CDH10: variants seen among roughly 807,000 people sequenced by gnomAD.
CDH10 encodes the protein cadherin 10.
Under a neutral mutation model 73.1 loss-of-function variants are expected in CDH10, and 30 were observed. The ratio of observed to expected loss-of-function variants is 0.41; its 90% CI spans 0.31 to 0.56. CDH10 has a LOEUF of 0.56. Ranked by LOEUF, CDH10 falls within the 20% of genes least tolerant of loss-of-function variation. The pLI, the probability that CDH10 is intolerant of heterozygous loss-of-function variation, is 0.27. For synonymous variants in CDH10, 345 were observed against 348.2 expected (o/e 0.99, Z 0.10); for missense variants, 815 against 973.7 (o/e 0.84, Z 2.17).
intron 1 of CDH10, among the ~76,000 whole-genome samples, chr5:24,620,305 A>C (rs1462272216): frequency 6.6e-6 from 1 of 152,204 alleles, no homozygotes; most frequent in Non-Finnish European, 1.5e-5. Flanking sequence ...TATACATTAA[A>C]AGAAGATTGC....
intron 1 of CDH10, chr5:24,612,972 G>A (rs1746998337): frequency 1.3e-5 from 2 of 152,068 alleles, no homozygotes; most frequent in African/African-American, 4.8e-5. Flanking sequence ...TGAGGACACA[G>A]CCCTCTGAGA....
intron 1 of CDH10, among the ~76,000 whole-genome samples, chr5:24,632,543 T>G (rs2112199844): frequency 6.6e-6 from 1 of 152,196 alleles, no homozygotes; most frequent in Non-Finnish European, 1.5e-5. Context: ...CAAAGTAATC[T>G]TTGTTTTCAG....
intron 1 of CDH10, among the ~76,000 whole-genome samples, chr5:24,594,369 G>A (rs932704969): frequency 1.3e-5 from 2 of 151,762 alleles, no homozygotes; most frequent in African/African-American, 2.4e-5. Flanking sequence ...TACACCCTCC[G>A]TGCCACTATT....
chr5:24,631,292 T>C (rs1188743834), intron 1 of CDH10, among the ~76,000 whole-genome samples: 2 of 152,124 alleles, frequency 1.3e-5, no homozygotes, highest in African/African-American at 2.4e-5. Flanking sequence ...TTCTGACCTC[T>C]GGAAAACACC....
At chr5:24,490,305 G>T (rs1742003833) in intron 11 of CDH10, among the ~76,000 whole-genome samples, 1 of 151,850 alleles carries the variant, frequency 6.6e-6, no homozygotes, top group Admixed American at 6.6e-5. Context: ...TGTACTAATG[G>T]TAAGTCAAAT....
rs147858608 is a variant in CDH10, at chr5:24,563,873, T to G, written c.232-26199A>C. 1.9e-3 allele frequency among the ~76,000 whole-genome samples: 293 copies of G among 152,214 alleles called. 5 individuals carry two copies. The highest frequency in any genetic ancestry group is 6.8e-3 in the African/African-American group (284 of 41,548). ...AATCAATTAATAAATTATATCTGTA[T>G]AGAATAATGGTTTTCTATCTTCTCC... On this transcript the variant is annotated intron_variant, in intron 2 of 11. Coordinates refer to ENST00000264463, the MANE Select transcript of CDH10 (RefSeq NM_006727.5).
intron 10 of CDH10, 73 bp downstream of exon 10, chr5:24,492,744 T>C (rs1579711794): frequency 1.4e-6 from 1 of 738,698 alleles, no homozygotes; most frequent in East Asian, 2.5e-5. Flanking sequence ...GGCATATATA[T>C]TGCAATGGTT....
At chr5:24,611,453 C>A (rs977711968) in intron 1 of CDH10, among the ~76,000 whole-genome samples, 1 of 152,110 alleles carries the variant, frequency 6.6e-6, no homozygotes, top group Admixed American at 6.5e-5. Flanking sequence ...AAAGAAAAGT[C>A]TTTCTCTGTC....
At chr5:24,498,854 CATTATA>C (rs1189176756) in intron 8 of CDH10, among the ~76,000 whole-genome samples, 5 of 152,138 alleles carry the variant, frequency 3.3e-5, no homozygotes, top group African/African-American at 7.2e-5. Flanking sequence ...TGTTATACTT[CATTATA>C]ATTATATCAT....
chr5:24,490,445 T>A (rs1309103886), intron 11 of CDH10, among the ~76,000 whole-genome samples: 1 of 152,050 alleles, frequency 6.6e-6, no homozygotes, highest in African/African-American at 2.4e-5. Context: ...TATTTTTTAA[T>A]ACGCACGTTC....
chr5:24,514,938 T>C (rs1322048670), intron 5 of CDH10, among the ~76,000 whole-genome samples: 2 of 152,132 alleles, frequency 1.3e-5, no homozygotes, highest in Non-Finnish European at 2.9e-5. Flanking sequence ...AGAGCTGGCA[T>C]GAAACATTTA....
Position 24,583,550 on chromosome 5 carries a change from GA to G in CDH10, c.231+9709del, listed in dbSNP as rs928339159. ...GCAATCTTAGTTTTGTACTTAACTAGAAAAAAATCTGCTAATTTATTAATCA... is the reference window on the plus strand; with the variant it reads ...GCAATCTTAGTTTTGTACTTAACTAGAAAAAATCTGCTAATTTATTAATCA... On this transcript the variant is annotated intron_variant, in intron 2 of 11. Coordinates refer to ENST00000264463, the MANE Select transcript of CDH10 (RefSeq NM_006727.5). 6.2e-4 allele frequency among the ~76,000 whole-genome samples: 95 copies of G among 152,124 alleles called. 6 individuals are homozygous for G. Among genetic ancestry groups the G allele is most frequent in the South Asian group, 2.1e-4 (1 of 4,822 alleles).
chr5:24,588,073 T>G (rs72752027), intron 2 of CDH10, among the ~76,000 whole-genome samples: 1 of 152,138 alleles, frequency 6.6e-6, no homozygotes, highest in African/African-American at 2.4e-5. Context: ...ACATTTTGCA[T>G]GTGTGTATGA....
At chr5:24,537,997 G>A (rs953608287) in intron 2 of CDH10, among the ~76,000 whole-genome samples, 20 of 151,984 alleles carry the variant, frequency 1.3e-4, no homozygotes, top group Non-Finnish European at 2.5e-4. Flanking sequence ...GTCTTGATAG[G>A]TGGGTGTAAA....
At chr5:24,493,173 G>A (rs1351490512) in intron 9 of CDH10, among the ~76,000 whole-genome samples, 3 of 151,644 alleles carry the variant, frequency 2.0e-5, no homozygotes, top group Non-Finnish European at 4.4e-5. Flanking sequence ...ATTATTTAGG[G>A]TTTTATTAAT....
chr5:24,562,822 A>T (rs34349571), intron 2 of CDH10, among the ~76,000 whole-genome samples: 60,682 of 151,146 alleles, frequency 0.4, 13,047 homozygotes, highest in African/African-American at 0.57. Context: ...ACCTTTTTTT[A>T]AAAAAACTTT....
At chr5:24,541,009 C>T (rs749904053) in intron 2 of CDH10, among the ~76,000 whole-genome samples, 1 of 151,794 alleles carries the variant, frequency 6.6e-6, no homozygotes, top group African/African-American at 2.4e-5. Flanking sequence ...AAACCTTACA[C>T]TTCTTATGTT....
At chr5:24,560,246 G>A (rs1744912815) in intron 2 of CDH10, among the ~76,000 whole-genome samples, 1 of 119,000 alleles carries the variant, frequency 8.4e-6, no homozygotes, top group Non-Finnish European at 1.9e-5. Context: ...GTGTGTGTGT[G>A]TGTGTTTCAA....
rs758272487 is a variant in CDH10, at chr5:24,509,617, A to T, written c.1205T>A (p.Ile402Asn). ...GTCCCTTGCCATTACAGTACCAATG[A>T]TTGTGCCCACTTCAATATCTTCATG... is the stretch of plus-strand genomic sequence containing the variant. Reference protein sequence around the residue: ...EVHEDIEVGTIIGTVMARDPD... With the variant: ...EVHEDIEVGTNIGTVMARDPD... The change falls in exon 7 of 12, where the codon ATC (isoleucine) becomes AAC (asparagine). Residue 402 changes from isoleucine (I) to asparagine (N), a missense_variant. Ile to Asn is a moderately radical substitution (Grantham distance 149, BLOSUM62 -3). Transcript: ENST00000264463. 1 of 1,613,944 alleles carries T rather than the reference A, an allele frequency of 6.2e-7. No homozygotes were observed. The highest frequency in any genetic ancestry group is 2.2e-5 in the East Asian group (1 of 44,868).
Sources: allele counts gnomAD v4.1 joint callset (sites outside exome capture counted in the v4.1 genomes callset), GRCh38; gene constraint gnomAD v4.1.1; transcripts MANE v1.5; gene names NCBI Gene and HGNC (gene_info 2026-07-23, HGNC 2026-07-21).